Variants in NRG3 observed in about 807,000 individuals in gnomAD.
The protein encoded by NRG3 is neuregulin 3, also known as pro-neuregulin-3, membrane-bound isoform.
NRG3 carries 31 observed loss-of-function variants against 66.9 expected under a neutral mutation model. The ratio of observed to expected loss-of-function variants is 0.46; its 90% CI spans 0.35 to 0.63. The LOEUF (loss-of-function observed/expected upper bound fraction) is 0.63. Ranked by LOEUF, NRG3 falls within the 20% of genes least tolerant of loss-of-function variation. The pLI, the probability that NRG3 is intolerant of heterozygous loss-of-function variation, is 0.00. For missense variants in NRG3, 910 were observed against 878.9 expected, an observed-to-expected ratio of 1.04 and a Z score of -0.45; for synonymous variants, 393 against 359.4, an observed-to-expected ratio of 1.09 and a Z score of -1.06.
intron 2 of NRG3, among the ~76,000 whole-genome samples, chr10:82,526,043 A>G (rs2132592971): frequency 6.6e-6 from 1 of 152,098 alleles, no homozygotes; most frequent in South Asian, 2.1e-4. Context: ...TATGCAGTAA[A>G]TTTAGTTGAC....
In NRG3 at chr10:82,905,622, C is replaced by T. The variant is rs796272886; in HGVS notation, c.1054+40185C>T. Among the ~76,000 whole-genome samples the T allele has an allele frequency of 6.1e-4, 93 of 152,188 alleles. 1 individual carries two copies. The highest frequency in any genetic ancestry group is 2.2e-3 in the African/African-American group (92 of 41,538). ...AAGTGTGCTTCCTTTTCTTTAAATACACTGTCTTTCAGAATTGGCTTTTAC... is the reference window on the plus strand; with the variant it reads ...AAGTGTGCTTCCTTTTCTTTAAATATACTGTCTTTCAGAATTGGCTTTTAC... On this transcript the variant is annotated intron_variant, in intron 4 of 8. Transcript: ENST00000372141.
At chr10:82,850,290 T>C (rs1469934639) in intron 3 of NRG3, among the ~76,000 whole-genome samples, 1 of 152,148 alleles carries the variant, frequency 6.6e-6, no homozygotes, top group African/African-American at 2.4e-5. Context: ...GCGATGAGGT[T>C]ATCAACCATT....
intron 4 of NRG3, among the ~76,000 whole-genome samples, chr10:82,895,067 A>G (rs1201335552): frequency 6.6e-6 from 1 of 152,216 alleles, no homozygotes; most frequent in African/African-American, 2.4e-5. Context: ...TGCAAAGGAC[A>G]TGAACTCATT....
chr10:82,457,188 A>G (rs936072452), intron 2 of NRG3, among the ~76,000 whole-genome samples: 2 of 152,026 alleles, frequency 1.3e-5, no homozygotes, highest in Non-Finnish European at 2.9e-5. Flanking sequence ...TAAGCCTCCA[A>G]TTTGTCTGTT....
chr10:82,680,426 A>G (rs1017071137), intron 2 of NRG3, among the ~76,000 whole-genome samples: 7 of 152,240 alleles, frequency 4.6e-5, no homozygotes, highest in African/African-American at 1.7e-4. Context: ...TGATGAAGTA[A>G]TGAATGCACT....
intron 2 of NRG3, among the ~76,000 whole-genome samples, chr10:82,583,023 T>C (rs1340406118): frequency 6.6e-6 from 1 of 152,152 alleles, no homozygotes; most frequent in Non-Finnish European, 1.5e-5. Flanking sequence ...GATAAGGAAT[T>C]GAAATATGAG....
intron 1 of NRG3, among the ~76,000 whole-genome samples, chr10:81,907,094 A>G (rs965139206): frequency 3.9e-5 from 6 of 152,172 alleles, no homozygotes; most frequent in African/African-American, 1.4e-4. Context: ...GATCTTAGGA[A>G]AAATAGCACC....
intron 2 of NRG3, among the ~76,000 whole-genome samples, chr10:82,716,821 A>T (rs2134452358): frequency 6.6e-6 from 1 of 152,340 alleles, no homozygotes; most frequent in East Asian, 1.9e-4. Context: ...TGATCCATAA[A>T]GAGCAACTGG....
intron 1 of NRG3, among the ~76,000 whole-genome samples, chr10:82,013,465 A>C (rs1297539797): frequency 6.6e-6 from 1 of 152,180 alleles, no homozygotes; most frequent in East Asian, 1.9e-4. Flanking sequence ...GTAGAGTGGT[A>C]ATATATACAA....
chr10:82,785,686 T>C (rs1160105997), intron 3 of NRG3, among the ~76,000 whole-genome samples: 3 of 152,148 alleles, frequency 2.0e-5, no homozygotes, highest in African/African-American at 7.2e-5. Context: ...GCAAAGTGTT[T>C]ACAGAGCTAC....
intron 2 of NRG3, among the ~76,000 whole-genome samples, chr10:82,694,614 G>A (rs150331890): frequency 1.3e-5 from 2 of 152,078 alleles, no homozygotes; most frequent in East Asian, 1.9e-4. Context: ...AATTATCTGG[G>A]TGTGGTGGCA....
intron 1 of NRG3, among the ~76,000 whole-genome samples, chr10:81,959,108 T>C (rs954385831): frequency 6.6e-6 from 1 of 152,220 alleles, no homozygotes; most frequent in African/African-American, 2.4e-5. Context: ...ATAAATATTT[T>C]TGTTGTTGAC....
At chr10:82,048,394 A>G (rs1465273382) in intron 1 of NRG3, among the ~76,000 whole-genome samples, 1 of 152,092 alleles carries the variant, frequency 6.6e-6, no homozygotes, top group African/African-American at 2.4e-5. Flanking sequence ...ATTATAACAA[A>G]CTGTCTCTCA....
chr10:82,298,575 A>G (rs1268219094), intron 1 of NRG3, among the ~76,000 whole-genome samples: 3 of 152,178 alleles, frequency 2.0e-5, no homozygotes, highest in Admixed American at 6.5e-5. Flanking sequence ...GAGATGGAAT[A>G]TAAAGAGTAA....
At chr10:82,055,337 C>A (rs1314745913) in intron 1 of NRG3, among the ~76,000 whole-genome samples, 2 of 151,556 alleles carry the variant, frequency 1.3e-5, no homozygotes, top group Non-Finnish European at 2.9e-5. Context: ...AATAGCCAGG[C>A]ATGGTGACAG....
At chr10:82,071,599 T>G (rs2133329528) in intron 1 of NRG3, among the ~76,000 whole-genome samples, 1 of 152,252 alleles carries the variant, frequency 6.6e-6, no homozygotes, top group Non-Finnish European at 1.5e-5. Flanking sequence ...GAGAAGAGGT[T>G]GCAGAGAATG....
At chr10:82,760,128 T>C (rs59612571) in intron 3 of NRG3, among the ~76,000 whole-genome samples, 1,748 of 152,240 alleles carry the variant, frequency 0.011, 35 homozygotes, top group African/African-American at 0.04. Context: ...AGGTTTAATT[T>C]ACTCTCAGCA....
intron 2 of NRG3, among the ~76,000 whole-genome samples, chr10:82,379,921 A>AT: frequency 6.6e-6 from 1 of 151,450 alleles, no homozygotes; most frequent in East Asian, 1.9e-4. Flanking sequence ...AAAAAAAAAA[A>AT]AAAAGAAAAA....
chr10:81,957,782 A>G (rs906681545), intron 1 of NRG3, among the ~76,000 whole-genome samples: 2 of 152,234 alleles, frequency 1.3e-5, no homozygotes. Flanking sequence ...GTGCCTTCTC[A>G]CAATTGTCAA....
Sources: gnomAD v4.1 joint callset for allele counts (sites outside exome capture counted in the v4.1 genomes callset) on GRCh38, gnomAD v4.1.1 for gene constraint, MANE v1.5 for transcripts, NCBI Gene and HGNC (gene_info 2026-07-23, HGNC 2026-07-21) for gene names.